AFF1: variants seen among roughly 807,000 people sequenced by gnomAD.
AFF1 encodes AF4/FMR2 family member 1.
In AFF1, 48 loss-of-function variants were observed where a neutral mutation model predicts 121.7. The observed-to-expected ratio is 0.39, with a 90% CI of 0.31 to 0.50. AFF1 has a LOEUF of 0.50. Ranked by LOEUF, AFF1 falls within the 20% of genes least tolerant of loss-of-function variation. The probability of loss-of-function intolerance (pLI) is 0.76; values close to 1 mark genes in which losing one functional copy is unlikely to be tolerated. For missense variants in AFF1, 1,523 were observed against 1,511.7 expected (o/e 1.01, Z -0.12); for synonymous variants, 613 against 563.0 (o/e 1.09, Z -1.26).
chr4:87,003,634 C>G (rs1725886102), intron 2 of AFF1, among the ~76,000 whole-genome samples: 1 of 152,180 alleles, frequency 6.6e-6, no homozygotes, highest in Admixed American at 6.5e-5. Context: ...TGTTACATTT[C>G]TAGCCTGTGC....
In AFF1 at chr4:87,104,810, G is replaced by A. The variant is rs75587486; in HGVS notation, c.1284-818G>A. On this transcript the variant is annotated intron_variant, in intron 8 of 20. Transcript: ENST00000395146. Reference sequence around the variant, plus strand: ...ACAAATGTTTGCTTTTTACTATTTAGGTTCACCATAAGCCAGAATGCCTAC... The same window carrying A: ...ACAAATGTTTGCTTTTTACTATTTAAGTTCACCATAAGCCAGAATGCCTAC... 1.5e-3 allele frequency among the ~76,000 whole-genome samples: 231 copies of A among 152,098 alleles called. 5 individuals are homozygous for A. In the East Asian group the frequency reaches 0.043, roughly 29 times the overall value.
chr4:87,099,182 G>C (rs1330480954), intron 8 of AFF1, among the ~76,000 whole-genome samples: 1 of 152,198 alleles, frequency 6.6e-6, no homozygotes, highest in Non-Finnish European at 1.5e-5. Flanking sequence ...CTAACTGAGA[G>C]TACAATTTGC....
At chr4:86,976,487 G>T (rs1639301646) in intron 2 of AFF1, among the ~76,000 whole-genome samples, 1 of 152,124 alleles carries the variant, frequency 6.6e-6, no homozygotes, top group Admixed American at 6.5e-5. Flanking sequence ...CATGGAGCTG[G>T]AGGTCATTAT....
intron 2 of AFF1, among the ~76,000 whole-genome samples, chr4:87,031,389 CT>C (rs1202157585): frequency 6.6e-6 from 1 of 151,938 alleles, no homozygotes; most frequent in Non-Finnish European, 1.5e-5. Flanking sequence ...TGTTTTTCTC[CT>C]TAGTCCTTTA....
intron 1 of AFF1, among the ~76,000 whole-genome samples, chr4:86,940,324 A>G (rs12506662): frequency 0.25 from 38,046 of 152,094 alleles, 5,268 homozygotes; most frequent in African/African-American, 0.38. Context: ...CTAAGCCCCA[A>G]TTTTCCAAAG....
At chr4:87,050,065 T>G (rs952076543) in intron 4 of AFF1, among the ~76,000 whole-genome samples, 4 of 152,324 alleles carry the variant, frequency 2.6e-5, no homozygotes, top group Admixed American at 6.5e-5. Flanking sequence ...ATCCAAGGAT[T>G]ATTATTCTGG....
chr4:86,998,393 T>G (rs1725413195), intron 2 of AFF1, among the ~76,000 whole-genome samples: 1 of 152,202 alleles, frequency 6.6e-6, no homozygotes. Flanking sequence ...TTATAGTTGT[T>G]TTGTTTTTAG....
At chr4:86,997,612 A>AT (rs781513983) in intron 2 of AFF1, among the ~76,000 whole-genome samples, 53 of 151,720 alleles carry the variant, frequency 3.5e-4, no homozygotes, top group Non-Finnish European at 6.3e-4. Context: ...AATACAAAAA[A>AT]TTAGCCGAGT....
chr4:87,083,112 T>G (rs1340552820), intron 4 of AFF1, among the ~76,000 whole-genome samples: 4 of 152,214 alleles, frequency 2.6e-5, no homozygotes, highest in Non-Finnish European at 4.4e-5. Flanking sequence ...GTTCCATGTC[T>G]CTAGTTCAGA....
chr4:87,115,179 G>A lies in AFF1; in HGVS notation c.2346G>A (p.Gln782=), dbSNP rs1192737429. The A allele has an allele frequency of 1.2e-6, 2 of 1,614,192 alleles. No homozygotes were observed. The highest frequency in any genetic ancestry group is 2.2e-5 in the East Asian group (1 of 44,866). Reference sequence around the variant, plus strand: ...TAGACCTGCTCTCTCGGATACCCCAGCCTCCCGGGAAGGGGAGCCGCCAGA... The same window carrying A: ...TAGACCTGCTCTCTCGGATACCCCAACCTCCCGGGAAGGGGAGCCGCCAGA... The part of the protein sequence containing the change: ...ITLDLLSRIP[Q]PPGKGSRQRK... Residue 782 remains glutamine (Q), a synonymous_variant, in exon 12 of 21, where the codon CAG becomes CAA. Transcript: ENST00000395146.
chr4:87,053,680 G>T (rs1284036358), intron 4 of AFF1, among the ~76,000 whole-genome samples: 2 of 152,220 alleles, frequency 1.3e-5, no homozygotes, highest in Admixed American at 6.5e-5. Context: ...AACCCCTGTT[G>T]TGTGCCAGGC....
At position 87,135,566 on chromosome 4, in the gene AFF1, T is replaced by C. The variant is rs767837247; in HGVS notation, c.3536-14T>C. The C allele has an allele frequency of 6.7e-7, 1 of 1,482,012 alleles. No homozygotes were observed. The highest frequency in any genetic ancestry group is 9.0e-7 in the Non-Finnish European group (1 of 1,116,072). The allele number at this position is 1,482,012 out of a possible 1,614,324, so 91.8% of individuals were successfully genotyped here. On this transcript the variant is annotated splice_polypyrimidine_tract_variant and intron_variant, in intron 20 of 20. Coordinates refer to ENST00000395146, the MANE Select transcript of AFF1 (RefSeq NM_001166693.3). ...GTATTTACTTGTTTTTGTTTTGTTT[T>C]GTTTTTTTTGCAGAATTCTTTGCTC...
chr4:87,078,882 C>T (rs1255761663), intron 4 of AFF1, among the ~76,000 whole-genome samples: 1 of 151,940 alleles, frequency 6.6e-6, no homozygotes, highest in African/African-American at 2.4e-5. Flanking sequence ...GTTGGCACCG[C>T]CTGTTATTCC....
At chr4:86,985,211 AT>A (rs1560518395) in intron 2 of AFF1, among the ~76,000 whole-genome samples, 3,364 of 128,712 alleles carry the variant, frequency 0.026, 95 homozygotes, top group Middle Eastern at 0.065. Context: ...ATATATATAT[AT>A]ATAAAATTAT....
At chr4:86,983,699 ACT>A (rs1360584262) in intron 2 of AFF1, among the ~76,000 whole-genome samples, 10 of 150,828 alleles carry the variant, frequency 6.6e-5, no homozygotes, top group East Asian at 1.9e-4. Flanking sequence ...ACAGAGCAAG[ACT>A]CTGTCTCAAA....
At chr4:87,071,011 A>G (rs1222447262) in intron 4 of AFF1, among the ~76,000 whole-genome samples, 1 of 151,600 alleles carries the variant, frequency 6.6e-6, no homozygotes, top group Non-Finnish European at 1.5e-5. Context: ...TGAGAAAGGA[A>G]GAAGAACCCC....
chr4:86,975,982 G>A (rs774343660), intron 2 of AFF1, among the ~76,000 whole-genome samples: 2 of 152,056 alleles, frequency 1.3e-5, no homozygotes, highest in East Asian at 1.9e-4. Flanking sequence ...AAGTAATTAC[G>A]GTATCATATA....
chr4:87,126,518 G>T (rs1728266340), intron 14 of AFF1, among the ~76,000 whole-genome samples, 182 bp downstream of exon 14: 1 of 152,176 alleles, frequency 6.6e-6, no homozygotes, highest in African/African-American at 2.4e-5. Context: ...AATACACAAA[G>T]ATTTAGGTGT....
At chr4:86,986,869 A>G (rs1239481716) in intron 2 of AFF1, among the ~76,000 whole-genome samples, 9 of 152,040 alleles carry the variant, frequency 5.9e-5, no homozygotes, top group African/African-American at 1.9e-4. Flanking sequence ...TTTTAAAATC[A>G]TCATTTTTTA....
Sources: allele counts gnomAD v4.1 joint callset (sites outside exome capture counted in the v4.1 genomes callset), GRCh38; gene constraint gnomAD v4.1.1; transcripts MANE v1.5; gene names NCBI Gene and HGNC (gene_info 2026-07-23, HGNC 2026-07-21).